The following PDE4D variants were observed in gnomAD, a reference collection of about 807,000 sequenced individuals.
PDE4D encodes 3',5'-cyclic-AMP phosphodiesterase 4D.
PDE4D carries 24 observed loss-of-function variants against 87.4 expected under a neutral mutation model. The ratio of observed to expected loss-of-function variants is 0.27; its 90% CI spans 0.20 to 0.39. The LOEUF (loss-of-function observed/expected upper bound fraction) is 0.39, where lower values mean the gene tolerates loss of function less well. PDE4D is among the 10% of genes least tolerant of loss of function. The probability of loss-of-function intolerance (pLI) is 1.00; values close to 1 mark genes in which losing one functional copy is unlikely to be tolerated. For synonymous variants in PDE4D, 384 were observed against 383.2 expected, an observed-to-expected ratio of 1.00 and a Z score of -0.02; for missense variants, 714 against 1,041.0, an observed-to-expected ratio of 0.69 and a Z score of 4.32.
intron 1 of PDE4D, among the ~76,000 whole-genome samples, chr5:59,887,466 T>C (rs543480804): frequency 6.6e-6 from 1 of 152,334 alleles, no homozygotes; most frequent in South Asian, 2.1e-4. Flanking sequence ...GTTGCTGTTA[T>C]GAGCCAGTAC....
Position 59,451,444 on chromosome 5 carries a change from T to A in PDE4D, c.456-235476A>T, listed in dbSNP as rs577533191. The stretch of plus-strand genomic sequence containing the variant: ...ATCTGCCTCCTGAGCTCCAGACACA[T>A]ACAGCGCACCTGACTCCTGGACAGC... On this transcript the variant is annotated intron_variant, in intron 1 of 14. Transcript: ENST00000340635. 1.3e-4 allele frequency among the ~76,000 whole-genome samples: 20 copies of A among 152,284 alleles called. No homozygotes were observed. In the South Asian group the frequency reaches 4.1e-3, roughly 32 times the overall value.
At chr5:59,521,818 T>A (rs1425076725) in intron 1 of PDE4D, among the ~76,000 whole-genome samples, 2 of 152,178 alleles carry the variant, frequency 1.3e-5, no homozygotes, top group African/African-American at 4.8e-5. Flanking sequence ...TTTGATACAC[T>A]TGTAATTCTA....
chr5:59,131,441 G>A (rs900475714), intron 5 of PDE4D, among the ~76,000 whole-genome samples: 9 of 152,150 alleles, frequency 5.9e-5, no homozygotes, highest in Middle Eastern at 3.4e-3. Flanking sequence ...GCTGTGTTTC[G>A]CACTGCAAGT....
chr5:59,628,395 T>C (rs1479943020), intron 1 of PDE4D, among the ~76,000 whole-genome samples: 2 of 152,218 alleles, frequency 1.3e-5, no homozygotes, highest in Non-Finnish European at 2.9e-5. Flanking sequence ...GTAGCAGAAA[T>C]GTTCTATATC....
intron 1 of PDE4D, among the ~76,000 whole-genome samples, chr5:59,811,767 A>G (rs1206901092): frequency 2.0e-5 from 3 of 152,248 alleles, no homozygotes; most frequent in Non-Finnish European, 4.4e-5. Context: ...ACATGCTCCT[A>G]GGCAAGGTAC....
At chr5:60,388,144 G>A (rs1010696957) in intron 1 of PDE4D, among the ~76,000 whole-genome samples, 4 of 152,100 alleles carry the variant, frequency 2.6e-5, no homozygotes, top group African/African-American at 9.7e-5. Context: ...GAACCTTCAC[G>A]TGTTCAGCTA....
intron 3 of PDE4D, among the ~76,000 whole-genome samples, chr5:59,899,901 T>C (rs553531285): frequency 1.3e-5 from 2 of 152,168 alleles, no homozygotes; most frequent in African/African-American, 4.8e-5. Context: ...GATTTCTGAC[T>C]TGCATTCATA....
intron 1 of PDE4D, among the ~76,000 whole-genome samples, chr5:59,684,010 C>T (rs1017973393): frequency 6.6e-6 from 1 of 152,132 alleles, no homozygotes; most frequent in Non-Finnish European, 1.5e-5. Flanking sequence ...TGACCGTAAT[C>T]CCATAAATTC....
intron 1 of PDE4D, among the ~76,000 whole-genome samples, chr5:59,836,702 T>G (rs894463802): frequency 6.6e-6 from 1 of 151,898 alleles, no homozygotes; most frequent in Admixed American, 6.6e-5. Flanking sequence ...TCTATGTATC[T>G]GTCTATCTAT....
rs370719832 is a variant in PDE4D, at chr5:60,149,274, T to C, written c.42+36283A>G. 3.3e-5 allele frequency among the ~76,000 whole-genome samples: 5 copies of C among 152,154 alleles called. No homozygotes were observed. The South Asian group carries it at 1.0e-3, about 31-fold the overall frequency. The stretch of plus-strand genomic sequence containing the variant: ...GGCTGTGAAGGCCAAGAGCATGGTA[T>C]CAGCACCTGACAAAGGCACGGCAGA... On this transcript the variant is annotated intron_variant, in intron 2 of 16. Transcript: ENST00000502484.
At chr5:59,626,784 G>C (rs531737685) in intron 1 of PDE4D, among the ~76,000 whole-genome samples, 4 of 152,110 alleles carry the variant, frequency 2.6e-5, no homozygotes, top group African/African-American at 9.7e-5. Context: ...TTTAATGAAC[G>C]CTGAGCTAAA....
chr5:59,290,239 G>A (rs1055309279), intron 1 of PDE4D, among the ~76,000 whole-genome samples: 4 of 151,480 alleles, frequency 2.6e-5, no homozygotes, highest in African/African-American at 9.7e-5. Context: ...GAACAAAACT[G>A]GAATACCAGT....
At chr5:58,996,760 G>C (rs1382990066) in intron 6 of PDE4D, among the ~76,000 whole-genome samples, 1 of 152,124 alleles carries the variant, frequency 6.6e-6, no homozygotes, top group Non-Finnish European at 1.5e-5. Flanking sequence ...AGAATATAAA[G>C]AACGAAGTAT....
At chr5:59,296,733 C>A (rs890588074) in intron 1 of PDE4D, among the ~76,000 whole-genome samples, 5 of 151,610 alleles carry the variant, frequency 3.3e-5, no homozygotes, top group Non-Finnish European at 7.4e-5. Flanking sequence ...TTGATGTTGC[C>A]AAATATTAAT....
intron 1 of PDE4D, among the ~76,000 whole-genome samples, chr5:60,513,030 A>G (rs1254077694): frequency 6.6e-6 from 1 of 152,186 alleles, no homozygotes; most frequent in Non-Finnish European, 1.5e-5. Context: ...CAAGACAAAG[A>G]AAGTAAAAAA....
chr5:59,607,972 G>A (rs1828446623), intron 1 of PDE4D, among the ~76,000 whole-genome samples: 1 of 152,112 alleles, frequency 6.6e-6, no homozygotes, highest in South Asian at 2.1e-4. Context: ...TACACAGTGT[G>A]GTTTATTTCT....
At chr5:60,030,892 T>C (rs1264936553) in intron 2 of PDE4D, 1 of 152,226 alleles carries the variant, frequency 6.6e-6, no homozygotes, top group African/African-American at 2.4e-5. Flanking sequence ...AACAAGTCAG[T>C]ATTTTGACTT....
intron 1 of PDE4D, among the ~76,000 whole-genome samples, chr5:59,820,886 C>T (rs1201670811): frequency 6.6e-6 from 1 of 152,204 alleles, no homozygotes; most frequent in Non-Finnish European, 1.5e-5. Context: ...ATGCCAAGAA[C>T]GTCTAAGCTT....
intron 5 of PDE4D, among the ~76,000 whole-genome samples, chr5:59,066,884 A>G (rs1764017725): frequency 6.6e-6 from 1 of 152,132 alleles, no homozygotes; most frequent in African/African-American, 2.4e-5. Context: ...CCAGGAAATG[A>G]GCCCTCACAA....
Sources: allele counts gnomAD v4.1 joint callset (sites outside exome capture counted in the v4.1 genomes callset), GRCh38; gene constraint gnomAD v4.1.1; transcripts MANE v1.5; gene names NCBI Gene and HGNC (gene_info 2026-07-23, HGNC 2026-07-21).